Variants in PUDP observed in about 807,000 individuals in gnomAD.
PUDP encodes the protein pseudouridine 5'-phosphatase.
PUDP carries 8 observed loss-of-function variants against 9.4 expected under a neutral mutation model. The ratio of observed to expected loss-of-function variants is 0.85; its 90% CI spans 0.50 to 1.53. The LOEUF (loss-of-function observed/expected upper bound fraction) is 1.53. Among genes scored for constraint, PUDP ranks in the 40% most tolerant of loss-of-function variants. The pLI is 0.00. For missense variants in PUDP, 188 were observed against 189.7 expected, an observed-to-expected ratio of 0.99 and a Z score of 0.05; for synonymous variants, 99 against 80.7, an observed-to-expected ratio of 1.23 and a Z score of -1.22.
intron 1 of PUDP, among the ~76,000 whole-genome samples, chrX:7,005,315 T>C (rs1929387472): frequency 9.0e-6 from 1 of 111,467 alleles, no homozygotes; most frequent in Non-Finnish European, 1.9e-5. Context: ...AGAATGAAAG[T>C]GAGCAGAGGT....
chrX:6,952,623 G>A (rs1480892815), intron 3 of PUDP, among the ~76,000 whole-genome samples: 1 of 111,916 alleles, frequency 8.9e-6, no homozygotes, highest in Non-Finnish European at 1.9e-5. Flanking sequence ...TTGAAACATA[G>A]TTGCCAGTGT....
intron 3 of PUDP, among the ~76,000 whole-genome samples, chrX:6,927,825 G>T (rs754807576): frequency 9.0e-6 from 1 of 111,267 alleles, no homozygotes; most frequent in Non-Finnish European, 1.9e-5. Flanking sequence ...GGCTGGGGGA[G>T]AAGAGAATTC....
chrX:6,756,475 T>C (rs1925170352), intron 3 of PUDP, among the ~76,000 whole-genome samples: 1 of 112,594 alleles, frequency 8.9e-6, no homozygotes, highest in Non-Finnish European at 1.9e-5. Flanking sequence ...TTGGGAATGC[T>C]GAAAATATTC....
intron 3 of PUDP, among the ~76,000 whole-genome samples, chrX:6,903,369 C>T (rs932991877): frequency 1.7e-4 from 19 of 111,545 alleles, no homozygotes; most frequent in Admixed American, 1.5e-3. Flanking sequence ...TAATGAGAGA[C>T]AGATGTAGTC....
intron 3 of PUDP, among the ~76,000 whole-genome samples, chrX:6,807,268 C>T (rs1044639865): frequency 3.6e-5 from 4 of 111,836 alleles, no homozygotes; most frequent in Non-Finnish European, 7.5e-5. Context: ...TGGAGTAATC[C>T]GATATCCAGG....
intron 3 of PUDP, among the ~76,000 whole-genome samples, chrX:6,930,655 G>A (rs1036328189): frequency 1.8e-5 from 2 of 111,332 alleles, no homozygotes; most frequent in Non-Finnish European, 3.8e-5. Flanking sequence ...GGGCTGCTCT[G>A]CCTATGGAGT....
At chrX:6,828,287 T>A (rs978384730) in intron 3 of PUDP, among the ~76,000 whole-genome samples, 1 of 111,730 alleles carries the variant, frequency 9.0e-6, no homozygotes, top group African/African-American at 3.3e-5. Context: ...GTCTACTGAT[T>A]CAGAATTCAC....
chrX:7,146,972 T>C (rs1158234818), intron 1 of PUDP, among the ~76,000 whole-genome samples: 1 of 109,847 alleles, frequency 9.1e-6, no homozygotes, highest in Non-Finnish European at 1.9e-5. Flanking sequence ...TGTTTATAGA[T>C]ATATGAAGCC....
At chrX:6,990,942 T>C (rs191340762) in intron 1 of PUDP, among the ~76,000 whole-genome samples, 2 of 112,623 alleles carry the variant, frequency 1.8e-5, no homozygotes, top group African/African-American at 6.4e-5. Flanking sequence ...GGAAAGTGCC[T>C]ACTGGCGGGT....
At chrX:6,915,603 T>A (rs920674660) in intron 3 of PUDP, among the ~76,000 whole-genome samples, 3 of 111,996 alleles carry the variant, frequency 2.7e-5, no homozygotes, top group African/African-American at 9.7e-5. Flanking sequence ...CCCACCCACT[T>A]CTCCATGTGT....
At chrX:7,056,276 G>A (rs1285785031) in intron 3 of PUDP, among the ~76,000 whole-genome samples, 4 of 112,027 alleles carry the variant, frequency 3.6e-5, no homozygotes, top group Non-Finnish European at 7.5e-5. Context: ...CAGGGAAGGT[G>A]GAAGTGCCCA....
chrX:7,129,888 G>A (rs999819805), intron 1 of PUDP, among the ~76,000 whole-genome samples: 8 of 111,389 alleles, frequency 7.2e-5, no homozygotes, highest in Middle Eastern at 4.6e-3. Context: ...AACAAAAATC[G>A]AAAGGGTAAG....
chrX:6,876,950 T>TACACACAC (rs747481639), intron 3 of PUDP, among the ~76,000 whole-genome samples: 4 of 92,533 alleles, frequency 4.3e-5, no homozygotes, highest in East Asian at 5.8e-4. Flanking sequence ...CATATATGTG[T>TACACACAC]ACACACACAC....
intron 3 of PUDP, among the ~76,000 whole-genome samples, chrX:6,852,852 G>A (rs1926848616): frequency 9.0e-6 from 1 of 111,432 alleles, no homozygotes; most frequent in African/African-American, 3.3e-5. Context: ...GGATACAAAG[G>A]ATGAGGTTGG....
At chrX:7,028,469 G>C (rs1929748910) in intron 1 of PUDP, among the ~76,000 whole-genome samples, 1 of 111,571 alleles carries the variant, frequency 9.0e-6, no homozygotes, top group South Asian at 3.8e-4. Context: ...CTCATCCAGG[G>C]AGTAAGAGAG....
chrX:6,977,072 A>G (rs1928966859), intron 3 of PUDP, among the ~76,000 whole-genome samples: 1 of 112,283 alleles, frequency 8.9e-6, no homozygotes, highest in Non-Finnish European at 1.9e-5. Context: ...AACTCTTCCC[A>G]CATGTTTTAC....
In PUDP at chrX:6,733,932, C is replaced by G. The variant is rs577141169; in HGVS notation, c.*248-27466G>C. ...AGCTGGAATTACAGGTGCCTGCCAC[C>G]ATGCCCAGCTAATTTTCATATTTTT... On this transcript the variant is annotated intron_variant and NMD_transcript_variant, in intron 3 of 3. Coordinates refer to the PUDP transcript ENST00000655425. 8.3e-5 allele frequency among the ~76,000 whole-genome samples: 9 copies of G among 108,836 alleles called. No individual in the cohort carries two copies. The South Asian group carries it at 3.8e-3, about 46-fold the overall frequency. The allele number at this position is 108,836 out of a possible 115,157, so 94.5% of individuals were successfully genotyped here.
At chrX:6,770,308 C>A (rs931989281) in intron 3 of PUDP, among the ~76,000 whole-genome samples, 14 of 112,162 alleles carry the variant, frequency 1.2e-4, no homozygotes, top group African/African-American at 4.2e-4. Context: ...TGAGTAGATG[C>A]AACAGAGATG....
intron 3 of PUDP, among the ~76,000 whole-genome samples, chrX:7,060,041 G>A (rs1930355919): frequency 8.9e-6 from 1 of 112,063 alleles, no homozygotes; most frequent in Non-Finnish European, 1.9e-5. Context: ...GTGAGCACGT[G>A]GCAGCTGGCA....
Sources: allele counts gnomAD v4.1 joint callset (sites outside exome capture counted in the v4.1 genomes callset), GRCh38; gene constraint gnomAD v4.1.1; transcripts MANE v1.5; gene names NCBI Gene and HGNC (gene_info 2026-07-23, HGNC 2026-07-21).